Variants in CDK2AP1 observed in about 807,000 individuals in gnomAD.
The protein encoded by CDK2AP1 is cyclin-dependent kinase 2-associated protein 1.
A neutral mutation model predicts 14.1 loss-of-function variants in CDK2AP1; 10 were observed. That is an observed-to-expected ratio of 0.71 (90% CI 0.44 to 1.20). The LOEUF (loss-of-function observed/expected upper bound fraction) is 1.20, where lower values mean the gene tolerates loss of function less well. CDK2AP1 is among the 50% of genes most tolerant of loss of function. The probability of loss-of-function intolerance (pLI) is 0.00; values close to 1 mark genes in which losing one functional copy is unlikely to be tolerated. For missense variants in CDK2AP1, 102 were observed against 149.9 expected (o/e 0.68, Z 1.67); for synonymous variants, 59 against 59.8 (o/e 0.99, Z 0.06).
At chr12:123,268,152 A>G (rs1593297712) in intron 1 of CDK2AP1, 2 of 974,428 alleles carry the variant, frequency 2.1e-6, no homozygotes, top group Non-Finnish European at 1.2e-6. Flanking sequence ...AAACAGCGGT[A>G]ACCATGGAGA....
intron 2 of CDK2AP1, among the ~76,000 whole-genome samples, chr12:123,266,736 GGCCC>G (rs1374802331): frequency 6.6e-6 from 1 of 152,216 alleles, no homozygotes; most frequent in African/African-American, 2.4e-5. Flanking sequence ...CTCAAATACT[GGCCC>G]TCGACAAAAG....
chr12:123,264,693 C>T (rs2048270945), intron 3 of CDK2AP1, among the ~76,000 whole-genome samples: 1 of 152,086 alleles, frequency 6.6e-6, no homozygotes, highest in South Asian at 2.1e-4. Context: ...CCTGCCTGCC[C>T]TCCCTCTCCA....
chr12:123,267,734 G>A (rs2048311594), intron 1 of CDK2AP1: 1 of 166,206 alleles, frequency 6.0e-6, no homozygotes, highest in African/African-American at 2.4e-5. Context: ...TCTCTGCTGT[G>A]CTCAATGACA....
At chr12:123,264,462 C>CAAAAAAAAAAAAAAAAAA (rs1167157405) in intron 3 of CDK2AP1, among the ~76,000 whole-genome samples, 20 of 69,852 alleles carry the variant, frequency 2.9e-4, no homozygotes, top group Middle Eastern at 0.012. Context: ...CTCCGTCTCC[C>CAAAAAAAAAAAAAAAAAA]AAAAAAAAAA....
upstream of CDK2AP1, chr12:123,272,186 T>TA (rs2048360292): frequency 6.6e-6 from 1 of 152,188 alleles, no homozygotes; most frequent in Non-Finnish European, 1.5e-5. Flanking sequence ...GTGGTGTATT[T>TA]AAGCACGTAG....
Position 123,264,462 on chromosome 12 carries a change from C to CAAAAAAA in CDK2AP1, c.280+727_280+733dup, listed in dbSNP as rs1167157405. Among the ~76,000 whole-genome samples the CAAAAAAA allele has an allele frequency of 2.2e-3, 157 of 69,852 alleles. 5 individuals are homozygous for CAAAAAAA. Among genetic ancestry groups the CAAAAAAA allele is most frequent in the Admixed American group, 3.7e-3 (19 of 5,194 alleles). The allele number at this position is 69,852 out of a possible 152,430, so 45.8% of individuals were successfully genotyped here. On this transcript the variant is annotated intron_variant, in intron 3 of 3. Coordinates refer to ENST00000261692, the MANE Select transcript of CDK2AP1 (RefSeq NM_004642.4). ...GCAACAAGAGTAAAACTCCGTCTCCCAAAAAAAAAAAAAAAAAAAAAAAAA... is the reference window on the plus strand; with the variant it reads ...GCAACAAGAGTAAAACTCCGTCTCCCAAAAAAAAAAAAAAAAAAAAAAAAAAAAAAAA...
intron 1 of CDK2AP1, chr12:123,270,192 G>A (rs1319953968): frequency 5.1e-6 from 5 of 983,928 alleles, no homozygotes; most frequent in African/African-American, 1.7e-5. Context: ...AACAAAGCCC[G>A]TCTTTGTAAG....
At chr12:123,270,322 C>G (rs1277326967) in intron 1 of CDK2AP1, 4 of 252,544 alleles carry the variant, frequency 1.6e-5, no homozygotes, top group Non-Finnish European at 2.5e-5. Context: ...GACGCTTAAC[C>G]CTTTCCTGCC....
At chr12:123,268,306 C>T (rs2048318356) in intron 1 of CDK2AP1, 1 of 894,456 alleles carries the variant, frequency 1.1e-6, no homozygotes, top group Non-Finnish European at 1.3e-6. Flanking sequence ...CAGCTGCTCG[C>T]TTGGTGTGGG....
intron 1 of CDK2AP1, 47 bp from the exon 2 acceptor site, chr12:123,267,329 A>G (rs1246005676): frequency 1.6e-6 from 2 of 1,235,002 alleles, no homozygotes; most frequent in Non-Finnish European, 2.4e-6. Context: ...AGCCAGTTGT[A>G]CCAAGGCAAG....
intron 3 of CDK2AP1, 34 bp from the exon 4 acceptor site, chr12:123,261,837 T>C (rs974666439): frequency 6.8e-7 from 1 of 1,463,582 alleles, no homozygotes; most frequent in Non-Finnish European, 9.6e-7. Flanking sequence ...GGTCAGCAAG[T>C]GCACAGGACC....
chr12:123,266,040 G>A (rs1475526617), intron 2 of CDK2AP1, among the ~76,000 whole-genome samples: 2 of 152,088 alleles, frequency 1.3e-5, no homozygotes, highest in Non-Finnish European at 2.9e-5. Flanking sequence ...CCGGATCAGC[G>A]AGGCTGGGCT....
rs1316086113 is a variant in CDK2AP1 at position 123,261,206 on chromosome 12, A to G, written c.*530T>C. 3 of 152,724 alleles carry G rather than the reference A, an allele frequency of 2.0e-5. No individual in the cohort carries two copies. Among genetic ancestry groups the G allele is most frequent in the African/African-American group, 7.2e-5 (3 of 41,456 alleles). 9.5% of individuals were successfully genotyped at this position (152,724 alleles called of 1,614,324 possible). ...TTTCTTCTGTATTTATAACTTGTGC[A>G]TTTTTAAAAATTGACTTTGAAGCAC... On this transcript the variant is annotated 3_prime_UTR_variant, in exon 4 of 4. Coordinates refer to ENST00000261692, the MANE Select transcript of CDK2AP1 (RefSeq NM_004642.4).
At chr12:123,266,575 C>T (rs1390098363) in intron 2 of CDK2AP1, among the ~76,000 whole-genome samples, 4 of 152,234 alleles carry the variant, frequency 2.6e-5, no homozygotes, top group Non-Finnish European at 5.9e-5. Flanking sequence ...GAGATGGTGG[C>T]GGCCCCATTC....
chr12:123,265,369 G>GGTGC lies in CDK2AP1; in HGVS notation c.154-51_154-48dup. ...TTCAGCAAAATCAGCCGGGCGTGGT[G>GGTGC]GTGCGTGCCTGTAGTCCCAGTTACT... On this transcript the variant is annotated intron_variant, in intron 2 of 3. Coordinates refer to ENST00000261692, the MANE Select transcript of CDK2AP1 (RefSeq NM_004642.4). The surrounding 1 kb of genome is among the most constrained non-coding windows in gnomAD (Gnocchi z 5.3). 1 of 1,604,096 alleles carries GGTGC rather than the reference G, an allele frequency of 6.2e-7. No homozygotes were observed. The highest frequency in any genetic ancestry group is 8.5e-7 in the Non-Finnish European group (1 of 1,171,458).
intron 2 of CDK2AP1, among the ~76,000 whole-genome samples, chr12:123,266,123 C>T (rs2048288526): frequency 1.3e-5 from 2 of 152,346 alleles, no homozygotes; most frequent in South Asian, 2.1e-4. Context: ...CCCATAGACA[C>T]GCCAGCTCCC....
chr12:123,268,116 G>C, intron 1 of CDK2AP1: 1 of 888,116 alleles, frequency 1.1e-6, no homozygotes, highest in Non-Finnish European at 1.3e-6. Context: ...GGCCATTAGC[G>C]GGTAAAGGAT....
Position 123,267,184 on chromosome 12 carries a change from C to G in CDK2AP1, c.153+1G>C. 6.4e-7 allele frequency: 1 copy of G among 1,573,010 alleles called. No individual in the cohort carries two copies. The highest frequency in any genetic ancestry group is 8.8e-7 in the Non-Finnish European group (1 of 1,142,568). ...CCATGCCATCACCCCCATTGACATA[C>G]CTGGGTGTAGCCTAGGGACGGTGGC... On this transcript the variant is annotated splice_donor_variant, in intron 2 of 3. Transcript: ENST00000261692. LOFTEE classifies it high-confidence loss of function.
chr12:123,261,816 C>T lies in CDK2AP1; in HGVS notation c.281-13G>A. ...GCGTGAATGATGCCTGAAACAGAGG[C>T]AGAGACCTGAGGTCAGCAAGTGCAC... On this transcript the variant is annotated splice_polypyrimidine_tract_variant and intron_variant, in intron 3 of 3. Coordinates refer to ENST00000261692, the MANE Select transcript of CDK2AP1 (RefSeq NM_004642.4). The T allele has an allele frequency of 6.2e-7, 1 of 1,602,740 alleles. No individual in the cohort carries two copies. The highest frequency in any genetic ancestry group is 8.6e-7 in the Non-Finnish European group (1 of 1,169,530).
Sources: allele counts gnomAD v4.1 joint callset (sites outside exome capture counted in the v4.1 genomes callset), GRCh38; gene constraint gnomAD v4.1.1; non-coding constraint Gnocchi (gnomAD v3.1); transcripts MANE v1.5; gene names NCBI Gene and HGNC (gene_info 2026-07-23, HGNC 2026-07-21).